The following GLDC variants were observed in gnomAD, a reference collection of about 807,000 sequenced individuals.
GLDC encodes glycine dehydrogenase (decarboxylating), mitochondrial.
GLDC carries 104 observed loss-of-function variants against 121.3 expected under a neutral mutation model. The ratio of observed to expected loss-of-function variants is 0.86; its 90% CI spans 0.73 to 1.01. The LOEUF (loss-of-function observed/expected upper bound fraction) is 1.01. Ranked by LOEUF, GLDC falls within the 50% of genes least tolerant of loss-of-function variation. GLDC has a pLI of 0.00. For missense variants in GLDC, 1,429 were observed against 1,306.6 expected (o/e 1.09, Z -1.44); for synonymous variants, 546 against 480.6 (o/e 1.14, Z -1.78).
At chr9:6,565,508 G>T in intron 15 of GLDC, 79 bp from the exon 16 acceptor site, 1 of 1,069,276 alleles carries the variant, frequency 9.4e-7, no homozygotes, top group Non-Finnish European at 1.5e-6. Flanking sequence ...TTGGGCCCTG[G>T]CCAGGGGTTC....
At chr9:6,599,930 C>A (rs1052871509) in intron 8 of GLDC, among the ~76,000 whole-genome samples, 10 of 152,092 alleles carry the variant, frequency 6.6e-5, no homozygotes, top group Non-Finnish European at 8.8e-5. Context: ...GCAGAACCAA[C>A]TATAAGAAGA....
chr9:6,624,138 G>C (rs1022099110), intron 2 of GLDC, among the ~76,000 whole-genome samples: 17 of 152,232 alleles, frequency 1.1e-4, no homozygotes, highest in African/African-American at 4.1e-4. Flanking sequence ...CCCCGGCCCA[G>C]GGAGATACAG....
At chr9:6,616,678 A>G (rs1412693407) in intron 3 of GLDC, among the ~76,000 whole-genome samples, 1 of 152,252 alleles carries the variant, frequency 6.6e-6, no homozygotes, top group Non-Finnish European at 1.5e-5. Flanking sequence ...CAAATGACTA[A>G]TTCAACTGGT....
At chr9:6,620,921 A>G (rs1819078755) in intron 2 of GLDC, among the ~76,000 whole-genome samples, 1 of 152,188 alleles carries the variant, frequency 6.6e-6, no homozygotes, top group Non-Finnish European at 1.5e-5. Flanking sequence ...CAATCCCAGC[A>G]CTTTGAGAGG....
chr9:6,597,933 CA>C (rs987910380), intron 8 of GLDC, among the ~76,000 whole-genome samples: 6 of 131,726 alleles, frequency 4.6e-5, no homozygotes, highest in African/African-American at 5.4e-5. Context: ...GACTCGTCTC[CA>C]AAAAAAAAAG....
intron 2 of GLDC, among the ~76,000 whole-genome samples, chr9:6,637,568 G>C (rs1193081263): frequency 1.3e-5 from 2 of 152,032 alleles, no homozygotes; most frequent in South Asian, 2.1e-4. Flanking sequence ...CCAGGTTCAA[G>C]CTATTCTCCT....
At position 6,592,896 on chromosome 9, in the gene GLDC, C is replaced by G; in HGVS notation, c.1356G>C (p.Arg452Ser). 3 of 1,613,862 alleles carry G rather than the reference C, an allele frequency of 1.9e-6. No individual in the cohort carries two copies. The highest frequency in any genetic ancestry group is 2.5e-6 in the Non-Finnish European group (3 of 1,179,800). Residue 452 changes from arginine (R) to serine (S), a missense_variant, in exon 10 of 25, where the codon AGG becomes AGC. Physicochemically the swap from Arg to Ser is moderately radical, Grantham distance 110 (BLOSUM62 -1). Transcript: ENST00000321612. ...GAAAATTGATCTGCCGCTGAGCGGCCCTGCCCAAGACCTCCTTCACTGAGC... is the reference window on the plus strand; with the variant it reads ...GAAAATTGATCTGCCGCTGAGCGGCGCTGCCCAAGACCTCCTTCACTGAGC... ...CGCSVKEVLG[R>S]AAQRQINFRL...
intron 14 of GLDC, among the ~76,000 whole-genome samples, chr9:6,587,787 G>A (rs1818300103): frequency 6.6e-6 from 1 of 152,036 alleles, no homozygotes; most frequent in Non-Finnish European, 1.5e-5. Flanking sequence ...AACACAGCAA[G>A]ACCTTGACTC....
chr9:6,569,648 T>C (rs1054205056), intron 15 of GLDC, among the ~76,000 whole-genome samples: 1 of 149,690 alleles, frequency 6.7e-6, no homozygotes, highest in Non-Finnish European at 1.5e-5. Flanking sequence ...TGAGACTCCA[T>C]CACAAAAACA....
Position 6,617,485 on chromosome 9 carries a change from G to C in GLDC, c.470+2699C>G, listed in dbSNP as rs1027566080. On this transcript the variant is annotated intron_variant, in intron 3 of 24. Coordinates refer to ENST00000321612, the MANE Select transcript of GLDC (RefSeq NM_000170.3). Reference sequence around the variant, plus strand: ...TTGAGGCTTTTCTTAAGGGGGAAGAGAAACAGGCCATTTTCTTTTGAAATT... The same window carrying C: ...TTGAGGCTTTTCTTAAGGGGGAAGACAAACAGGCCATTTTCTTTTGAAATT... 2.6e-5 allele frequency among the ~76,000 whole-genome samples: 4 copies of C among 152,102 alleles called. No homozygotes were observed. The East Asian group carries it at 7.7e-4, about 29-fold the overall frequency.
chr9:6,599,089 C>G (rs886749002), intron 8 of GLDC, among the ~76,000 whole-genome samples: 2 of 151,398 alleles, frequency 1.3e-5, no homozygotes, highest in Non-Finnish European at 2.9e-5. Flanking sequence ...GAGGCTGAGG[C>G]AGGAGTATCG....
chr9:6,594,499 C>G (rs1003843692), intron 9 of GLDC, among the ~76,000 whole-genome samples: 2 of 152,036 alleles, frequency 1.3e-5, no homozygotes, highest in African/African-American at 2.4e-5. Context: ...AATTCGAGAC[C>G]AGCCTGGAAA....
Position 6,540,132 on chromosome 9 carries a change from C to T in GLDC, c.2584G>A (p.Glu862Lys), listed in dbSNP as rs925908885. 1 of 1,609,478 alleles carries T rather than the reference C, an allele frequency of 6.2e-7. No individual in the cohort carries two copies. Among genetic ancestry groups the T allele is most frequent in the Non-Finnish European group, 8.5e-7 (1 of 1,175,764 alleles). ...FRGARGYVGH[E>K]FILDTRPFKK... ...AAGGGTCTCGTGTCCAAAATAAATT[C>T]ATGACCCACATAACCTGTTCAGGAA... is the stretch of plus-strand genomic sequence containing the variant. Residue 862 changes from glutamate to lysine, a missense_variant, in exon 22 of 25, where the codon GAA becomes AAA. Coordinates refer to ENST00000321612, the MANE Select transcript of GLDC (RefSeq NM_000170.3).
At chr9:6,537,382 C>T (rs770660978) in intron 22 of GLDC, among the ~76,000 whole-genome samples, 1 of 152,156 alleles carries the variant, frequency 6.6e-6, no homozygotes, top group Non-Finnish European at 1.5e-5. Context: ...TAATCTTGCC[C>T]CAATGTGCAG....
chr9:6,589,298 G>A lies in GLDC; in HGVS notation c.1483-6C>T, dbSNP rs1442788186. 4 of 1,569,460 alleles carry A rather than the reference G, an allele frequency of 2.5e-6. No individual in the cohort carries two copies. The highest frequency in any genetic ancestry group is 2.6e-6 in the Non-Finnish European group (3 of 1,139,368). On this transcript the variant is annotated splice_polypyrimidine_tract_variant and splice_region_variant and intron_variant, in intron 11 of 24. Transcript: ENST00000321612. ...ATGCTTTCAGCAACCAGTTCCTGAA[G>A]GAGAAACACAGAGATGATAGGGCCA...
At chr9:6,563,652 G>T (rs77373417) in intron 16 of GLDC, among the ~76,000 whole-genome samples, 2,537 of 152,278 alleles carry the variant, frequency 0.017, 72 homozygotes, top group African/African-American at 0.058. Context: ...AGCAATTATA[G>T]TTCTAAACTA....
At chr9:6,540,384 C>G (rs930929805) in intron 21 of GLDC, 12 of 495,446 alleles carry the variant, frequency 2.4e-5, no homozygotes, top group Non-Finnish European at 4.0e-5. Context: ...TCACTACACA[C>G]CTGTGAACCT....
chr9:6,601,835 C>T (rs899915085), intron 8 of GLDC, among the ~76,000 whole-genome samples: 1 of 152,108 alleles, frequency 6.6e-6, no homozygotes, highest in African/African-American at 2.4e-5. Context: ...TTCGCCATGT[C>T]GCCCAGGCAG....
chr9:6,548,840 C>G (rs914420114), intron 21 of GLDC, among the ~76,000 whole-genome samples: 1 of 152,164 alleles, frequency 6.6e-6, no homozygotes. Context: ...CTGTTTTTCT[C>G]TCAAAGGTAT....
Sources: allele counts gnomAD v4.1 joint callset (sites outside exome capture counted in the v4.1 genomes callset), GRCh38; gene constraint gnomAD v4.1.1; transcripts MANE v1.5; gene names NCBI Gene and HGNC (gene_info 2026-07-23, HGNC 2026-07-21).